Variants in GRAMD1A observed in about 807,000 individuals in gnomAD.
GRAMD1A encodes GRAM domain containing 1A, also known as protein Aster-A.
GRAMD1A carries 50 observed loss-of-function variants against 92.0 expected under a neutral mutation model. The observed-to-expected ratio is 0.54, with a 90% CI of 0.43 to 0.69. GRAMD1A has a LOEUF of 0.69. GRAMD1A is among the 30% of genes least tolerant of loss of function. The probability of loss-of-function intolerance (pLI) is 0.00; values close to 1 mark genes in which losing one functional copy is unlikely to be tolerated. For synonymous variants in GRAMD1A, 405 were observed against 403.6 expected (o/e 1.00, Z -0.04); for missense variants, 819 against 978.9 (o/e 0.84, Z 2.18).
chr19:35,011,793 C>A (rs977350823), intron 7 of GRAMD1A, among the ~76,000 whole-genome samples: 2 of 152,232 alleles, frequency 1.3e-5, no homozygotes, highest in African/African-American at 4.8e-5. Context: ...GATTTTCACC[C>A]TGAAGGACAT....
chr19:34,996,305 A>G (rs1280011580), upstream of GRAMD1A: 15 of 1,495,472 alleles, frequency 1.0e-5, no homozygotes, highest in East Asian at 3.7e-4. Flanking sequence ...AGACCTGGGC[A>G]GTGGGACAGG....
intron 10 of GRAMD1A, chr19:35,015,475 C>T: frequency 5.0e-6 from 1 of 199,508 alleles, no homozygotes; most frequent in Non-Finnish European, 1.0e-5. Flanking sequence ...TGTGGTTGAT[C>T]GGATAGACCT....
rs369804531 is a variant in GRAMD1A, at chr19:35,013,891, CAG to C, written c.870+202_870+203del. ...AGAGACAGGGAAGAGAGGGGACAGA[CAG>C]AAAGGATGAGAGACAGAAGGGATGG... is the stretch of plus-strand genomic sequence containing the variant. On this transcript the variant is annotated intron_variant, in intron 9 of 19. Coordinates refer to ENST00000317991, the MANE Select transcript of GRAMD1A (RefSeq NM_020895.5). The surrounding 1 kb of genome is among the most constrained non-coding windows in gnomAD (Gnocchi z 4.9). Among the ~76,000 whole-genome samples, 268 of 152,102 alleles carry C rather than the reference CAG, an allele frequency of 1.8e-3. 2 individuals carry two copies. Among genetic ancestry groups the C allele is most frequent in the African/African-American group, 5.5e-3 (230 of 41,486 alleles).
At chr19:35,026,021 C>G in intron 19 of GRAMD1A, 28 bp from the exon 20 acceptor site, 1 of 1,250,438 alleles carries the variant, frequency 8.0e-7, no homozygotes, top group South Asian at 1.2e-5. Flanking sequence ...AGCGTTCACC[C>G]CCGACCCTGC....
At position 35,026,208 on chromosome 19, in the gene GRAMD1A, C is replaced by G; in HGVS notation, c.*67C>G. On this transcript the variant is annotated 3_prime_UTR_variant, in exon 20 of 20. Transcript: ENST00000317991. ...ACACACAGAGCCTCGGCGGCCACTG[C>G]TGGCACGGTGTGAGCGCCAGGCATC... 1.2e-6 allele frequency: 1 copy of G among 862,518 alleles called. No homozygotes were observed. Among genetic ancestry groups the G allele is most frequent in the South Asian group, 1.3e-5 (1 of 74,276 alleles). 53.4% of individuals were successfully genotyped at this position (862,518 alleles called of 1,614,324 possible).
chr19:34,995,934 A>C (rs2014017630), upstream of GRAMD1A: 8 of 1,125,914 alleles, frequency 7.1e-6, no homozygotes, highest in East Asian at 2.1e-4. Flanking sequence ...GCCACGGGGG[A>C]AGGTGGTAAG....
chr19:35,021,654 A>G lies in GRAMD1A; in HGVS notation c.1580-37A>G. On this transcript the variant is annotated intron_variant, in intron 14 of 19. Transcript: ENST00000317991. This position sits in a 1 kb window ranked among gnomAD's most constrained non-coding sequence, Gnocchi z 5.3. ...GCGTGGGTTGGGGGATGGCCTGGCC[A>G]GGTATGGACATCCAGAGCCCCCTCT... The G allele has an allele frequency of 1.2e-6, 2 of 1,613,592 alleles. No individual in the cohort carries two copies. The highest frequency in any genetic ancestry group is 1.7e-6 in the Non-Finnish European group (2 of 1,179,524).
rs762221396 is a variant in GRAMD1A, at chr19:35,021,783, C to G, written c.1672C>G (p.Pro558Ala). 2 of 1,611,858 alleles carry G rather than the reference C, an allele frequency of 1.2e-6. No homozygotes were observed. The highest frequency in any genetic ancestry group is 4.5e-5 in the East Asian group (2 of 44,880). ...LLSGLRRRKR[P>A]LSWRAHGDGP... ...ATCCGGCCTGCGGCGGCGGAAGCGG[C>G]CCCTGAGCTGGCGGGCTCACGGGGA... Residue 558 changes from proline to alanine, a missense_variant, in exon 15 of 20, where the codon CCC becomes GCC. Transcript: ENST00000317991. The surrounding 1 kb of genome is among the most constrained non-coding windows in gnomAD (Gnocchi z 5.3).
At chr19:35,017,019 A>C (rs1329264787) in intron 11 of GRAMD1A, among the ~76,000 whole-genome samples, 2 of 151,782 alleles carry the variant, frequency 1.3e-5, no homozygotes, top group Non-Finnish European at 2.9e-5. Context: ...AAAAATAAAA[A>C]AAAAAATTAG....
In GRAMD1A at chr19:35,015,736, C is replaced by T. The variant is rs548460071; in HGVS notation, c.1070-88C>T. On this transcript the variant is annotated intron_variant, in intron 10 of 19. Transcript: ENST00000317991. ...AGGAGGTGGGGTCCGCCCATGCACA[C>T]TACAAGGCCTGGGAGTGGGGAGGCG... is the stretch of plus-strand genomic sequence containing the variant. 2.1e-5 allele frequency: 28 copies of T among 1,349,864 alleles called. No homozygotes were observed. In the African/African-American group the frequency reaches 3.9e-4, roughly 19 times the overall value. 83.6% of individuals were successfully genotyped at this position (1,349,864 alleles called of 1,614,324 possible).
intron 6 of GRAMD1A, 84 bp from the exon 7 acceptor site, chr19:35,011,390 C>A: frequency 1.0e-6 from 1 of 952,790 alleles, no homozygotes; most frequent in Non-Finnish European, 1.7e-6. Flanking sequence ...GTGGCGTCAG[C>A]GCAGATGAGG....
At chr19:35,000,238 G>C (rs995168366), upstream of GRAMD1A, 1 of 1,023,962 alleles carries the variant, frequency 9.8e-7, no homozygotes, top group Non-Finnish European at 1.2e-6. This position sits in a 1 kb window ranked among gnomAD's most constrained non-coding sequence, Gnocchi z 4.9. Context: ...CTTCCCTCCC[G>C]GGCTGGGGGC....
Position 35,009,967 on chromosome 19 carries a change from T to C in GRAMD1A, c.320T>C (p.Ile107Thr). 1.2e-6 allele frequency: 2 copies of C among 1,607,518 alleles called. No homozygotes were observed. Among genetic ancestry groups the C allele is most frequent in the Non-Finnish European group, 8.5e-7 (1 of 1,174,002 alleles). The change falls in exon 4 of 20, where the codon ATT (isoleucine) becomes ACT (threonine). Residue 107 changes from isoleucine (I) to threonine (T), a missense_variant. Coordinates refer to ENST00000317991, the MANE Select transcript of GRAMD1A (RefSeq NM_020895.5). ...FSKLPEAERL[I>T]VDYSCALQRE... ...AAACTCCCCGAAGCAGAACGCCTCA[T>C]TGTGGGTGAGTCCCGGACCCCCAGT...
At chr19:35,022,589 A>T (rs1295311159) in intron 16 of GRAMD1A, among the ~76,000 whole-genome samples, 1 of 103,656 alleles carries the variant, frequency 9.6e-6, no homozygotes, top group Non-Finnish European at 2.0e-5. Flanking sequence ...GGGCGTCCTG[A>T]GAGAGTGGAG....
At chr19:35,012,671 G>T (rs1203224773) in intron 7 of GRAMD1A, among the ~76,000 whole-genome samples, 1 of 152,232 alleles carries the variant, frequency 6.6e-6, no homozygotes, top group Non-Finnish European at 1.5e-5. Context: ...GCTCTGTAAA[G>T]ATGGGAACAT....
chr19:35,005,788 G>A lies in GRAMD1A; in HGVS notation c.9-3331G>A, dbSNP rs1472383361. ...CTTGGACCTGTCATCAGACAGTGAC[G>A]GCCCAGAGTAGTCCAGGATGGGAGC... On this transcript the variant is annotated intron_variant, in intron 1 of 19. Coordinates refer to ENST00000317991, the MANE Select transcript of GRAMD1A (RefSeq NM_020895.5). 24 of 443,414 alleles carry A rather than the reference G, an allele frequency of 5.4e-5. 1 individual carries two copies. The highest frequency in any genetic ancestry group is 3.3e-4 in the South Asian group (21 of 63,306). 27.5% of individuals were successfully genotyped at this position (443,414 alleles called of 1,614,324 possible). A position where few individuals can be genotyped will look rare whatever the true frequency, so the allele number is the denominator to read the frequency against.
chr19:34,999,992 C>T (rs1440105178), upstream of GRAMD1A: 3 of 984,832 alleles, frequency 3.0e-6, no homozygotes, highest in East Asian at 3.4e-4. Flanking sequence ...AGGTTCCTCC[C>T]TGGGAGGTCC....
chr19:35,003,407 A>G lies in GRAMD1A; in HGVS notation c.8+2921A>G, dbSNP rs114527170. On this transcript the variant is annotated intron_variant, in intron 1 of 19. Transcript: ENST00000317991. ...ATCCCTTCCGAGTCTCCTCGCCCCTATAACAGTCCCCCAGGCTCCTCCCTT... is the reference window on the plus strand; with the variant it reads ...ATCCCTTCCGAGTCTCCTCGCCCCTGTAACAGTCCCCCAGGCTCCTCCCTT... Among the ~76,000 whole-genome samples the G allele has an allele frequency of 5.1e-3, 776 of 152,212 alleles. 5 individuals are homozygous for G. The highest frequency in any genetic ancestry group is 0.018 in the African/African-American group (738 of 41,536).
At chr19:35,002,423 C>G (rs141926748) in intron 1 of GRAMD1A, 5 of 152,240 alleles carry the variant, frequency 3.3e-5, no homozygotes, top group African/African-American at 1.2e-4. Context: ...TTCTTTTAGA[C>G]GCAGTCTCGC....
Sources: allele counts gnomAD v4.1 joint callset (sites outside exome capture counted in the v4.1 genomes callset), GRCh38; gene constraint gnomAD v4.1.1; non-coding constraint Gnocchi (gnomAD v3.1); transcripts MANE v1.5; gene names NCBI Gene and HGNC (gene_info 2026-07-23, HGNC 2026-07-21).